The following CHODL variants were observed in gnomAD, a reference collection of about 807,000 sequenced individuals.
CHODL encodes the protein transmembrane protein MT75.
CHODL carries 29 observed loss-of-function variants against 34.5 expected under a neutral mutation model. That is an observed-to-expected ratio of 0.84 (90% CI 0.63 to 1.15). The LOEUF is 1.15. CHODL is among the 50% of genes most tolerant of loss of function. The pLI, the probability that CHODL is intolerant of heterozygous loss-of-function variation, is 0.00. For synonymous variants in CHODL, 125 were observed against 116.1 expected (o/e 1.08, Z -0.49); for missense variants, 332 against 332.5 (o/e 1.00, Z 0.01).
intron 2 of CHODL, among the ~76,000 whole-genome samples, chr21:18,077,042 G>A (rs2064875041): frequency 6.6e-6 from 1 of 152,158 alleles, no homozygotes; most frequent in Non-Finnish European, 1.5e-5. Flanking sequence ...ACCCCAGTGG[G>A]GCCAGAATGT....
chr21:17,935,856 T>C (rs1235472661), intron 1 of CHODL, among the ~76,000 whole-genome samples: 1 of 152,216 alleles, frequency 6.6e-6, no homozygotes, highest in African/African-American at 2.4e-5. Flanking sequence ...ATGTAAGGGA[T>C]AGAGAGAAGA....
At chr21:18,028,250 T>TCCTTC (rs1254049743) in intron 2 of CHODL, among the ~76,000 whole-genome samples, 1 of 66,054 alleles carries the variant, frequency 1.5e-5, no homozygotes, top group Non-Finnish European at 3.4e-5. Context: ...CCTTCCCCTT[T>TCCTTC]TCCTTTTCTT....
At chr21:18,096,899 T>C (rs1206453558) in intron 2 of CHODL, among the ~76,000 whole-genome samples, 1 of 152,156 alleles carries the variant, frequency 6.6e-6, no homozygotes, top group Non-Finnish European at 1.5e-5. Context: ...CAATATGTGA[T>C]GGCACCCTCG....
At chr21:17,945,769 T>C (rs2063402362) in intron 1 of CHODL, among the ~76,000 whole-genome samples, 1 of 152,140 alleles carries the variant, frequency 6.6e-6, no homozygotes, top group African/African-American at 2.4e-5. Context: ...TTGTCAAAAT[T>C]AATTCAAAGA....
chr21:18,044,580 A>G (rs2064418267), intron 2 of CHODL, among the ~76,000 whole-genome samples: 1 of 151,952 alleles, frequency 6.6e-6, no homozygotes. Context: ...ATCATTCTCC[A>G]GACACACTGC....
intron 1 of CHODL, among the ~76,000 whole-genome samples, chr21:17,952,677 A>G (rs1426235551): frequency 6.6e-6 from 1 of 152,156 alleles, no homozygotes; most frequent in Non-Finnish European, 1.5e-5. Flanking sequence ...CATGTGGGGG[A>G]CATAAATAAT....
chr21:17,933,717 G>T (rs2063295701), intron 1 of CHODL, among the ~76,000 whole-genome samples: 1 of 152,114 alleles, frequency 6.6e-6, no homozygotes, highest in Non-Finnish European at 1.5e-5. Flanking sequence ...ATAAGTGGGA[G>T]CTAAACAACA....
At chr21:18,086,283 T>C (rs1446093338) in intron 2 of CHODL, among the ~76,000 whole-genome samples, 1 of 152,058 alleles carries the variant, frequency 6.6e-6, no homozygotes, top group African/African-American at 2.4e-5. Context: ...TTTGTATTGG[T>C]TTTCAGATTT....
chr21:18,127,033 G>A lies in CHODL; in HGVS notation c.-45+99062G>A, dbSNP rs186606543. On this transcript the variant is annotated intron_variant, in intron 2 of 6. Transcript: ENST00000400127. The stretch of plus-strand genomic sequence containing the variant: ...CTATACCATAAACATGTTATCCTTC[G>A]CGTCAGTCATCAAGTGACTGAGTCA... 7.6e-4 allele frequency among the ~76,000 whole-genome samples: 116 copies of A among 152,130 alleles called. 1 individual carries two copies. In the East Asian group the frequency reaches 0.017, roughly 22 times the overall value.
chr21:18,255,927 C>T (rs2074310010), intron 1 of CHODL, among the ~76,000 whole-genome samples: 1 of 151,934 alleles, frequency 6.6e-6, no homozygotes, highest in Non-Finnish European at 1.5e-5. Flanking sequence ...TTGTCACTTC[C>T]AATGTAATAT....
At chr21:17,987,275 T>A (rs1172133245) in intron 1 of CHODL, among the ~76,000 whole-genome samples, 1 of 152,150 alleles carries the variant, frequency 6.6e-6, no homozygotes, top group Non-Finnish European at 1.5e-5. Flanking sequence ...TCTACTGACA[T>A]CAGTATAATC....
intron 1 of CHODL, among the ~76,000 whole-genome samples, chr21:17,990,601 A>T (rs981049816): frequency 6.6e-6 from 1 of 152,138 alleles, no homozygotes; most frequent in African/African-American, 2.4e-5. Context: ...AATTAAATAC[A>T]AAGTTGAGCA....
chr21:18,018,484 C>T (rs1213373649), intron 1 of CHODL, among the ~76,000 whole-genome samples: 1 of 152,046 alleles, frequency 6.6e-6, no homozygotes, highest in Non-Finnish European at 1.5e-5. Flanking sequence ...GTGTGTGGCA[C>T]CTTCACCCCC....
intron 2 of CHODL, among the ~76,000 whole-genome samples, chr21:18,192,125 A>G (rs1447749131): frequency 3.9e-5 from 6 of 152,142 alleles, no homozygotes; most frequent in African/African-American, 1.4e-4. Context: ...CTCCTTCTCA[A>G]CACAAGCTTA....
At chr21:18,260,342 C>T in intron 4 of CHODL, 56 bp downstream of exon 4, 1 of 1,128,842 alleles carries the variant, frequency 8.9e-7, no homozygotes, top group Middle Eastern at 2.0e-4. Flanking sequence ...CTTTCAAACG[C>T]TGCTTCATGT....
chr21:18,058,548 G>T (rs1181226064), intron 2 of CHODL, among the ~76,000 whole-genome samples: 1 of 152,156 alleles, frequency 6.6e-6, no homozygotes, highest in Non-Finnish European at 1.5e-5. Context: ...ACACGGATGA[G>T]CTTGGAGGAC....
chr21:17,942,136 A>C (rs2824570), intron 1 of CHODL, among the ~76,000 whole-genome samples: 52,298 of 152,060 alleles, frequency 0.34, 9,417 homozygotes, highest in South Asian at 0.49. Context: ...AAAGTGTAAA[A>C]AACAAGCAAA....
chr21:17,987,514 A>C lies in CHODL; in HGVS notation c.-144-40358A>C, dbSNP rs1013099858. The stretch of plus-strand genomic sequence containing the variant: ...TTTATGTGCAGCACTCACAGCTGCC[A>C]CTTGAAGCTCAGTTTGAAGCAATCA... On this transcript the variant is annotated intron_variant, in intron 1 of 6. Transcript: ENST00000400127. Among the ~76,000 whole-genome samples the C allele has an allele frequency of 2.6e-5, 4 of 152,196 alleles. No individual in the cohort carries two copies. The East Asian group carries it at 7.7e-4, about 29-fold the overall frequency.
intron 2 of CHODL, among the ~76,000 whole-genome samples, chr21:18,232,092 C>G (rs1187378743): frequency 6.6e-6 from 1 of 151,764 alleles, no homozygotes; most frequent in Non-Finnish European, 1.5e-5. Flanking sequence ...AACATTTCTA[C>G]CATTAATTCT....
Sources: allele counts gnomAD v4.1 joint callset (sites outside exome capture counted in the v4.1 genomes callset), GRCh38; gene constraint gnomAD v4.1.1; transcripts MANE v1.5; gene names NCBI Gene and HGNC (gene_info 2026-07-23, HGNC 2026-07-21).